Variants in ATP8A2 observed in about 807,000 individuals in gnomAD.
The protein encoded by ATP8A2 is ATPase phospholipid transporting 8A2, also known as phospholipid-transporting ATPase IB.
In ATP8A2, 100 loss-of-function variants were observed where a neutral mutation model predicts 165.6. The ratio of observed to expected loss-of-function variants is 0.60; its 90% CI spans 0.51 to 0.71. The LOEUF is 0.71. Among genes scored for constraint, ATP8A2 ranks in the 30% least tolerant of loss-of-function variants. The probability of loss-of-function intolerance (pLI) is 0.00; values close to 1 mark genes in which losing one functional copy is unlikely to be tolerated. For synonymous variants in ATP8A2, 543 were observed against 548.8 expected, an observed-to-expected ratio of 0.99 and a Z score of 0.15; for missense variants, 1,227 against 1,479.5, an observed-to-expected ratio of 0.83 and a Z score of 2.80.
Position 25,558,961 on chromosome 13 carries a change from T to A in ATP8A2, c.1264-12T>A, listed in dbSNP as rs1424262805. Reference sequence around the variant, plus strand: ...ACTTCCTGATGTATATTTCTTTTATTCTTTGGTTTAGGTGAAATATCTCTT... The same window carrying A: ...ACTTCCTGATGTATATTTCTTTTATACTTTGGTTTAGGTGAAATATCTCTT... On this transcript the variant is annotated splice_polypyrimidine_tract_variant and intron_variant, in intron 13 of 36. Coordinates refer to ENST00000381655, the MANE Select transcript of ATP8A2 (RefSeq NM_016529.6). 1.9e-6 allele frequency: 3 copies of A among 1,558,360 alleles called. No homozygotes were observed. In the Admixed American group the frequency reaches 5.3e-5, roughly 27 times the overall value.
At chr13:25,695,410 A>G (rs2042814451) in intron 24 of ATP8A2, among the ~76,000 whole-genome samples, 1 of 150,576 alleles carries the variant, frequency 6.6e-6, no homozygotes, top group African/African-American at 2.4e-5. Context: ...TCAAAATAAG[A>G]CAACAATAAA....
In ATP8A2 at chr13:25,909,291, C is replaced by T. The variant is rs545620553; in HGVS notation, c.3183+46883C>T. ...GAAAGGATTTTGTACGTTCCCACCT[C>T]AAATAAATGATAAAATATTTGCAGT... On this transcript the variant is annotated intron_variant, in intron 33 of 36. Coordinates refer to ENST00000381655, the MANE Select transcript of ATP8A2 (RefSeq NM_016529.6). 2.0e-5 allele frequency among the ~76,000 whole-genome samples: 3 copies of T among 152,246 alleles called. No homozygotes were observed. In the South Asian group the frequency reaches 6.2e-4, roughly 32 times the overall value.
intron 1 of ATP8A2, among the ~76,000 whole-genome samples, chr13:25,462,085 G>C (rs1053941965): frequency 6.6e-6 from 1 of 152,230 alleles, no homozygotes; most frequent in African/African-American, 2.4e-5. Context: ...TCAGATTCAA[G>C]TTTCTGCAGA....
chr13:25,599,757 C>CT (rs1373977544), intron 24 of ATP8A2, among the ~76,000 whole-genome samples: 1 of 152,178 alleles, frequency 6.6e-6, no homozygotes, highest in African/African-American at 2.4e-5. Flanking sequence ...AGGATGATGA[C>CT]TGCAATGGCA....
intron 24 of ATP8A2, among the ~76,000 whole-genome samples, chr13:25,592,861 G>A (rs1300138132): frequency 1.3e-5 from 2 of 152,270 alleles, no homozygotes; most frequent in Admixed American, 6.5e-5. Context: ...ACTTGCCTTG[G>A]TTTAACCTTC....
chr13:25,546,991 A>G (rs61948621), intron 10 of ATP8A2, among the ~76,000 whole-genome samples: 3,432 of 151,960 alleles, frequency 0.023, 51 homozygotes, highest in South Asian at 0.04. Context: ...TTAGCTGGGC[A>G]TGGTGGTGCA....
intron 24 of ATP8A2, among the ~76,000 whole-genome samples, chr13:25,674,645 G>T (rs2042336113): frequency 6.6e-6 from 1 of 152,158 alleles, no homozygotes. Flanking sequence ...CAGACTTGGA[G>T]AGCTAAATGC....
chr13:25,942,654 C>T (rs1593598989), intron 33 of ATP8A2, among the ~76,000 whole-genome samples: 1 of 152,198 alleles, frequency 6.6e-6, no homozygotes. Flanking sequence ...AAATCCCTGT[C>T]CTCGGGTGAT....
At chr13:25,813,106 C>T in intron 27 of ATP8A2, among the ~76,000 whole-genome samples, 1 of 152,054 alleles carries the variant, frequency 6.6e-6, no homozygotes, top group East Asian at 1.9e-4. Flanking sequence ...CTAAGGCACG[C>T]TGGACTTAAT....
At chr13:25,523,113 G>C (rs1593455574) in intron 2 of ATP8A2, among the ~76,000 whole-genome samples, 1 of 143,244 alleles carries the variant, frequency 7.0e-6, no homozygotes, top group East Asian at 2.0e-4. Context: ...GCTAGACTCT[G>C]TCTCAAAAAA....
chr13:25,634,217 A>G (rs2041315726), intron 24 of ATP8A2, among the ~76,000 whole-genome samples: 1 of 152,176 alleles, frequency 6.6e-6, no homozygotes, highest in African/African-American at 2.4e-5. Context: ...ACAGCATCTC[A>G]AAATGAGTTG....
chr13:25,657,467 C>T (rs980317046), intron 24 of ATP8A2, among the ~76,000 whole-genome samples: 7 of 152,166 alleles, frequency 4.6e-5, no homozygotes, highest in Admixed American at 2.6e-4. Flanking sequence ...CTGTCACCAG[C>T]AGCAGAGCAT....
intron 24 of ATP8A2, among the ~76,000 whole-genome samples, chr13:25,663,783 C>T (rs1205037212): frequency 2.0e-5 from 3 of 152,198 alleles, no homozygotes; most frequent in African/African-American, 7.2e-5. Context: ...AGAAGAAAGA[C>T]ATTTGTGGAG....
chr13:25,887,618 G>A (rs1466835020), intron 33 of ATP8A2, among the ~76,000 whole-genome samples: 1 of 152,178 alleles, frequency 6.6e-6, no homozygotes, highest in Non-Finnish European at 1.5e-5. Flanking sequence ...TTACAGGCGT[G>A]AGCCACAGCG....
chr13:25,669,395 A>G (rs1287076644), intron 24 of ATP8A2, among the ~76,000 whole-genome samples: 1 of 152,260 alleles, frequency 6.6e-6, no homozygotes, highest in Non-Finnish European at 1.5e-5. Context: ...GAAAAAAACA[A>G]AACACCAAAC....
intron 24 of ATP8A2, among the ~76,000 whole-genome samples, chr13:25,677,539 T>G (rs1007363980): frequency 2.6e-5 from 4 of 152,146 alleles, no homozygotes; most frequent in Non-Finnish European, 5.9e-5. Context: ...AATTCCCTTC[T>G]GAAGAAGGCA....
At chr13:25,694,747 T>C (rs551039123) in intron 24 of ATP8A2, among the ~76,000 whole-genome samples, 2 of 152,314 alleles carry the variant, frequency 1.3e-5, no homozygotes, top group South Asian at 2.1e-4. Context: ...TATAGCTCAC[T>C]AAAGCCTCCA....
chr13:25,520,257 G>A (rs912644051), intron 2 of ATP8A2, among the ~76,000 whole-genome samples: 1 of 152,164 alleles, frequency 6.6e-6, no homozygotes, highest in Admixed American at 6.5e-5. Context: ...ACATATGAGT[G>A]AGAACATGTG....
intron 35 of ATP8A2, among the ~76,000 whole-genome samples, chr13:26,003,672 T>C (rs1055090263): frequency 1.3e-5 from 2 of 152,200 alleles, no homozygotes; most frequent in Non-Finnish European, 2.9e-5. Context: ...TATAAGTCTT[T>C]AATTCATTTT....
Sources: gnomAD v4.1 joint callset for allele counts (sites outside exome capture counted in the v4.1 genomes callset) on GRCh38, gnomAD v4.1.1 for gene constraint, MANE v1.5 for transcripts, NCBI Gene and HGNC (gene_info 2026-07-23, HGNC 2026-07-21) for gene names.